GPC6: variants seen among roughly 807,000 people sequenced by gnomAD.
The protein encoded by GPC6 is glypican 6.
In GPC6, 14 loss-of-function variants were observed where a neutral mutation model predicts 55.2. The observed-to-expected ratio is 0.25, with a 90% CI of 0.17 to 0.40. The LOEUF is 0.40. GPC6 is among the 10% of genes least tolerant of loss of function. The pLI is 1.00. For missense variants in GPC6, 641 were observed against 708.5 expected (o/e 0.90, Z 1.08); for synonymous variants, 278 against 259.6 (o/e 1.07, Z -0.68).
chr13:93,633,369 G>T (rs1033219396), intron 2 of GPC6, among the ~76,000 whole-genome samples: 1 of 152,158 alleles, frequency 6.6e-6, no homozygotes, highest in Non-Finnish European at 1.5e-5. Context: ...ACTGCGGCCA[G>T]GCGCAGTGGC....
At chr13:94,213,380 C>A (rs1305657105) in intron 4 of GPC6, among the ~76,000 whole-genome samples, 2 of 152,108 alleles carry the variant, frequency 1.3e-5, no homozygotes, top group Non-Finnish European at 2.9e-5. Flanking sequence ...TAAAGAAAAC[C>A]AAGAACTTTA....
At chr13:93,902,415 A>G (rs529653223) in intron 3 of GPC6, among the ~76,000 whole-genome samples, 129 of 152,172 alleles carry the variant, frequency 8.5e-4, no homozygotes, top group African/African-American at 3.0e-3. Context: ...ATGGTATCTC[A>G]TTGTGTATAT....
At chr13:94,240,899 T>C (rs1179295257) in intron 4 of GPC6, among the ~76,000 whole-genome samples, 1 of 152,122 alleles carries the variant, frequency 6.6e-6, no homozygotes, top group African/African-American at 2.4e-5. Context: ...GGGAAGGACT[T>C]GACTAGGTTG....
At chr13:94,014,993 A>G (rs1354088645) in intron 3 of GPC6, among the ~76,000 whole-genome samples, 1 of 152,212 alleles carries the variant, frequency 6.6e-6, no homozygotes, top group Non-Finnish European at 1.5e-5. Context: ...GATGCTATAG[A>G]CATTTGTGCA....
intron 3 of GPC6, among the ~76,000 whole-genome samples, chr13:93,945,557 TG>T (rs1300845840): frequency 6.6e-6 from 1 of 152,174 alleles, no homozygotes; most frequent in Non-Finnish European, 1.5e-5. Context: ...TGGCTTTCCC[TG>T]GTTCCTCCTG....
intron 1 of GPC6, among the ~76,000 whole-genome samples, chr13:93,454,795 G>C (rs1371348579): frequency 6.6e-6 from 1 of 152,228 alleles, no homozygotes. Flanking sequence ...TGCACTCCTC[G>C]GCCCTTGAGT....
chr13:93,844,287 C>A (rs1325352724), intron 3 of GPC6, among the ~76,000 whole-genome samples: 1 of 152,068 alleles, frequency 6.6e-6, no homozygotes, highest in Non-Finnish European at 1.5e-5. Context: ...TACAGGCATG[C>A]ACCACCATGC....
intron 1 of GPC6, among the ~76,000 whole-genome samples, chr13:93,338,911 AG>A (rs1880136959): frequency 6.6e-6 from 1 of 152,168 alleles, no homozygotes; most frequent in Non-Finnish European, 1.5e-5. Context: ...TGGTGTTGAC[AG>A]GGCAGAGAGA....
In GPC6 at chr13:93,830,515, G is replaced by A; in HGVS notation, c.681G>A (p.Val227=). The change falls in exon 3 of 9, where the codon GTG becomes GTA. Residue 227 remains valine, a synonymous_variant. Transcript: ENST00000377047. ...GGACCTTTGTCCAGGGGCTGACTGT[G>A]GGCAGAGAAGTTGCAAACCGAGTTT... ...AARTFVQGLT[V]GREVANRVSK... The A allele has an allele frequency of 6.2e-7, 1 of 1,612,488 alleles. No individual in the cohort carries two copies. The highest frequency in any genetic ancestry group is 8.5e-7 in the Non-Finnish European group (1 of 1,179,602).
At chr13:93,231,344 TAC>T (rs1223791131) in intron 1 of GPC6, among the ~76,000 whole-genome samples, 28 of 32,500 alleles carry the variant, frequency 8.6e-4, no homozygotes, top group African/African-American at 3.5e-3. Flanking sequence ...TATATATATA[TAC>T]ATATATATAT....
intron 4 of GPC6, chr13:94,154,243 C>G (rs1413084289): frequency 7.2e-6 from 1 of 138,646 alleles, no homozygotes; most frequent in Non-Finnish European, 1.5e-5. Context: ...TTTTTTACAG[C>G]TACTCTGCTC....
At chr13:93,615,262 A>G (rs1465827747) in intron 2 of GPC6, among the ~76,000 whole-genome samples, 2 of 152,184 alleles carry the variant, frequency 1.3e-5, no homozygotes, top group Non-Finnish European at 2.9e-5. Context: ...AATTATATGA[A>G]TTATCAAAGA....
chr13:93,888,509 G>C (rs1380189545), intron 3 of GPC6, among the ~76,000 whole-genome samples: 2 of 152,140 alleles, frequency 1.3e-5, no homozygotes, highest in Admixed American at 6.6e-5. Flanking sequence ...TAGAGGACAG[G>C]TTAGTCTTGG....
At chr13:94,195,868 G>A (rs1889559270) in intron 4 of GPC6, among the ~76,000 whole-genome samples, 1 of 152,184 alleles carries the variant, frequency 6.6e-6, no homozygotes, top group Non-Finnish European at 1.5e-5. Flanking sequence ...TTCAGCTTTG[G>A]AAGACCAAGG....
At chr13:93,756,253 A>G (rs7995215) in intron 2 of GPC6, among the ~76,000 whole-genome samples, 103,262 of 151,948 alleles carry the variant, frequency 0.68, 36,264 homozygotes, top group African/African-American at 0.84. Flanking sequence ...CACACTTCAG[A>G]ATGTTTGGCA....
intron 3 of GPC6, among the ~76,000 whole-genome samples, chr13:93,930,545 G>A (rs1156334804): frequency 1.3e-5 from 2 of 151,896 alleles, no homozygotes; most frequent in African/African-American, 4.8e-5. Context: ...TTCTGGGATT[G>A]CAGGGATGAG....
chr13:94,166,928 T>A (rs1486959922), intron 4 of GPC6, among the ~76,000 whole-genome samples: 2 of 152,222 alleles, frequency 1.3e-5, no homozygotes, highest in Non-Finnish European at 2.9e-5. Flanking sequence ...TAAAGTTGAT[T>A]TCTCAGCTTC....
chr13:93,439,711 A>AATGAAATGAAATGAAATGAAATGAAAT (rs1566358134), intron 1 of GPC6, among the ~76,000 whole-genome samples: 67 of 150,068 alleles, frequency 4.5e-4, no homozygotes, highest in African/African-American at 1.6e-3. Flanking sequence ...AAATAAAATA[A>AATGAAATGAAATGAAATGAAATGAAAT]AATAAAATAA....
At chr13:93,528,334 C>T in intron 1 of GPC6, among the ~76,000 whole-genome samples, 1 of 152,234 alleles carries the variant, frequency 6.6e-6, no homozygotes, top group East Asian at 1.9e-4. Flanking sequence ...ACTGCAACTG[C>T]AATAAACTTG....
Sources: allele counts gnomAD v4.1 joint callset (sites outside exome capture counted in the v4.1 genomes callset), GRCh38; gene constraint gnomAD v4.1.1; transcripts MANE v1.5; gene names NCBI Gene and HGNC (gene_info 2026-07-23, HGNC 2026-07-21).